The following RAB10 variants were observed in gnomAD, a reference collection of about 807,000 sequenced individuals.
The protein encoded by RAB10 is ras-related protein Rab-10.
A neutral mutation model predicts 25.7 loss-of-function variants in RAB10; 5 were observed. That is an observed-to-expected ratio of 0.19 (90% CI 0.10 to 0.41). RAB10 has a LOEUF of 0.41. RAB10 is among the 10% of genes least tolerant of loss of function. The pLI is 1.00. For missense variants in RAB10, 103 were observed against 245.8 expected (o/e 0.42, Z 3.89); for synonymous variants, 89 against 86.4 (o/e 1.03, Z -0.16).
chr2:26,102,878 A>G (rs1667371635), intron 2 of RAB10, among the ~76,000 whole-genome samples: 1 of 152,240 alleles, frequency 6.6e-6, no homozygotes, highest in Non-Finnish European at 1.5e-5. Flanking sequence ...GTAAGCACAG[A>G]TAAATATTAA....
At chr2:26,116,666 C>T (rs1173968721) in intron 3 of RAB10, among the ~76,000 whole-genome samples, 1 of 145,390 alleles carries the variant, frequency 6.9e-6, no homozygotes, top group African/African-American at 2.5e-5. Context: ...ACACCATCCT[C>T]CTGCCTCAGC....
At chr2:26,126,790 TA>T (rs1225834057) in intron 3 of RAB10, among the ~76,000 whole-genome samples, 1 of 152,226 alleles carries the variant, frequency 6.6e-6, no homozygotes, top group East Asian at 1.9e-4. Context: ...TTAAGGCTTC[TA>T]TAGGGTAGTA....
intron 2 of RAB10, among the ~76,000 whole-genome samples, chr2:26,106,975 G>A (rs1667475750): frequency 6.6e-6 from 1 of 151,882 alleles, no homozygotes; most frequent in South Asian, 2.1e-4. Flanking sequence ...GCTGGGTGTG[G>A]TGGCTCACGC....
At chr2:26,099,141 G>C (rs1247735508) in intron 2 of RAB10, among the ~76,000 whole-genome samples, 1 of 152,106 alleles carries the variant, frequency 6.6e-6, no homozygotes, top group Non-Finnish European at 1.5e-5. Flanking sequence ...GCCTGAAGAA[G>C]TACAAACCTT....
intron 2 of RAB10, among the ~76,000 whole-genome samples, chr2:26,104,051 G>A (rs939448111): frequency 2.0e-5 from 3 of 152,022 alleles, no homozygotes; most frequent in African/African-American, 7.3e-5. Flanking sequence ...GAACATTCAC[G>A]TCTACGTTTT....
intron 1 of RAB10, among the ~76,000 whole-genome samples, chr2:26,097,015 G>A (rs1358577120): frequency 1.3e-5 from 2 of 152,060 alleles, no homozygotes; most frequent in Non-Finnish European, 2.9e-5. Flanking sequence ...TTGAGCGTTC[G>A]AGACCAGCCT....
chr2:26,120,179 GAGGT>G (rs1667772049), intron 3 of RAB10, among the ~76,000 whole-genome samples: 1 of 152,166 alleles, frequency 6.6e-6, no homozygotes, highest in Admixed American at 6.5e-5. Context: ...TCTTTGAGTG[GAGGT>G]TCATGTTAGT....
At chr2:26,107,434 C>A (rs565046556) in intron 2 of RAB10, among the ~76,000 whole-genome samples, 1 of 152,134 alleles carries the variant, frequency 6.6e-6, no homozygotes, top group East Asian at 1.9e-4. Flanking sequence ...ATTTACAAGC[C>A]AGTGTATCTG....
intron 3 of RAB10, among the ~76,000 whole-genome samples, chr2:26,114,659 G>C (rs1574558628): frequency 6.6e-6 from 1 of 151,916 alleles, no homozygotes; most frequent in East Asian, 1.9e-4. Context: ...GGGAGGCCAA[G>C]GTGGGTGGGT....
intron 1 of RAB10, among the ~76,000 whole-genome samples, chr2:26,078,679 T>C (rs954268260): frequency 6.6e-6 from 1 of 152,086 alleles, no homozygotes; most frequent in Non-Finnish European, 1.5e-5. Flanking sequence ...TGATGAAGGC[T>C]ATAGACCTGA....
At position 26,122,356 on chromosome 2, in the gene RAB10, C is replaced by T. The variant is rs558324185; in HGVS notation, c.328-4788C>T. Among the ~76,000 whole-genome samples the T allele has an allele frequency of 1.2e-4, 19 of 152,190 alleles. No individual in the cohort carries two copies. The South Asian group carries it at 2.7e-3, about 22-fold the overall frequency. On this transcript the variant is annotated intron_variant, in intron 3 of 5. Transcript: ENST00000264710. ...GAAAGGCATACTTGTAGGCTGGGCG[C>T]GGTGGCTCACGCCTGTAATCCCAGC...
chr2:26,065,820 C>T (rs982963470), intron 1 of RAB10, among the ~76,000 whole-genome samples: 6 of 152,154 alleles, frequency 3.9e-5, no homozygotes, highest in African/African-American at 1.4e-4. Context: ...TACAGCGTAT[C>T]TTTCAGTTGG....
chr2:26,098,109 CTTTTTTTTTTTTTTTTT>C (rs57174956), intron 1 of RAB10, among the ~76,000 whole-genome samples: 4 of 52,724 alleles, frequency 7.6e-5, no homozygotes, highest in Admixed American at 2.9e-4. Flanking sequence ...TTCTTTCTTT[CTTTTTTTTTTTTTTTTT>C]TTTTTTTTTT....
chr2:26,128,085 C>A (rs751702913), intron 5 of RAB10, 134 bp downstream of exon 5: 29 of 751,942 alleles, frequency 3.9e-5, no homozygotes, highest in Admixed American at 9.8e-5. Flanking sequence ...CAGTCCCCAG[C>A]CTTTTTGGCA....
At chr2:26,110,338 C>CAAAA (rs11403502) in intron 3 of RAB10, among the ~76,000 whole-genome samples, 4 of 123,706 alleles carry the variant, frequency 3.2e-5, no homozygotes, top group Non-Finnish European at 4.9e-5. Context: ...ACTCCGTCTC[C>CAAAA]AAAAAAAAAA....
chr2:26,106,725 G>C (rs1206803157), intron 2 of RAB10, among the ~76,000 whole-genome samples: 1 of 147,214 alleles, frequency 6.8e-6, no homozygotes, highest in Non-Finnish European at 1.5e-5. Context: ...GTCTCTACTA[G>C]AAATACAAAA....
At chr2:26,077,250 T>C (rs1031454723) in intron 1 of RAB10, among the ~76,000 whole-genome samples, 4 of 152,202 alleles carry the variant, frequency 2.6e-5, no homozygotes, top group Admixed American at 2.6e-4. Flanking sequence ...ATTACAAATA[T>C]AGATATTAAA....
In RAB10 at chr2:26,057,443, A is replaced by T. The variant is rs578169394; in HGVS notation, c.127+22708A>T. On this transcript the variant is annotated intron_variant, in intron 1 of 5. Transcript: ENST00000264710. ...AACATAGACAGTCTCTAAAAAAAAA[A>T]AAAAATTAAAAAATAAAAACTATAA... Among the ~76,000 whole-genome samples, 939 of 151,722 alleles carry T rather than the reference A, an allele frequency of 6.2e-3. 1 individual carries two copies. Among genetic ancestry groups the T allele is most frequent in the African/African-American group, 0.022 (905 of 41,154 alleles).
At chr2:26,115,299 G>A (rs1233826627) in intron 3 of RAB10, among the ~76,000 whole-genome samples, 2 of 132,580 alleles carry the variant, frequency 1.5e-5, no homozygotes, top group African/African-American at 5.6e-5. Flanking sequence ...ATTTATAGCA[G>A]CATTGTTCAC....
Sources: allele counts gnomAD v4.1 joint callset (sites outside exome capture counted in the v4.1 genomes callset), GRCh38; gene constraint gnomAD v4.1.1; transcripts MANE v1.5; gene names NCBI Gene and HGNC (gene_info 2026-07-23, HGNC 2026-07-21).